Variants in UNC5D observed in about 807,000 individuals in gnomAD.
UNC5D encodes the protein netrin receptor UNC5D.
In UNC5D, 39 loss-of-function variants were observed where a neutral mutation model predicts 105.4. The observed-to-expected ratio is 0.37, with a 90% confidence interval of 0.29 to 0.48. The LOEUF (loss-of-function observed/expected upper bound fraction) is 0.48, where lower values mean the gene tolerates loss of function less well. Among genes scored for constraint, UNC5D ranks in the 20% least tolerant of loss-of-function variants. The pLI, the probability that UNC5D is intolerant of heterozygous loss-of-function variation, is 0.98. For synonymous variants in UNC5D, 452 were observed against 450.4 expected (o/e 1.00, Z -0.04); for missense variants, 991 against 1,202.4 (o/e 0.82, Z 2.60).
intron 1 of UNC5D, among the ~76,000 whole-genome samples, chr8:35,365,754 T>C (rs1195166308): frequency 6.6e-6 from 1 of 152,120 alleles, no homozygotes; most frequent in African/African-American, 2.4e-5. Context: ...AATAGAATCC[T>C]GGTATTAAAT....
At chr8:35,688,839 C>T (rs982800362) in intron 7 of UNC5D, among the ~76,000 whole-genome samples, 5 of 152,180 alleles carry the variant, frequency 3.3e-5, no homozygotes, top group Non-Finnish European at 7.3e-5. Context: ...GTCCATAGGA[C>T]GAGTTCATTT....
intron 1 of UNC5D, among the ~76,000 whole-genome samples, chr8:35,336,185 T>C (rs1811025026): frequency 6.6e-6 from 1 of 152,188 alleles, no homozygotes; most frequent in Non-Finnish European, 1.5e-5. Flanking sequence ...AGAGGTAATA[T>C]AAAGAAAATG....
Position 35,289,550 on chromosome 8 carries a change from A to T in UNC5D, c.103+53663A>T, listed in dbSNP as rs542706178. The stretch of plus-strand genomic sequence containing the variant: ...TCCATCCAACAATGGTAAAATACAC[A>T]TTCTCCTCAAATGCATATGGAACAC... On this transcript the variant is annotated intron_variant, in intron 1 of 16. Transcript: ENST00000404895. 7.2e-5 allele frequency among the ~76,000 whole-genome samples: 11 copies of T among 152,298 alleles called. 1 individual carries two copies. The South Asian group carries it at 2.3e-3, about 32-fold the overall frequency.
In UNC5D at chr8:35,259,837, G is replaced by A. The variant is rs779826355; in HGVS notation, c.103+23950G>A. 9.9e-5 allele frequency among the ~76,000 whole-genome samples: 15 copies of A among 152,024 alleles called. No individual in the cohort carries two copies. In the South Asian group the frequency reaches 1.0e-3, roughly 11 times the overall value. On this transcript the variant is annotated intron_variant, in intron 1 of 16. Transcript: ENST00000404895. ...TGTGGACGCTGGTAAAAAGGTGGAG[G>A]AAGTGGGGAGGGGTGAGAGGGCAGG...
chr8:35,414,828 A>G (rs1805426479), intron 1 of UNC5D, among the ~76,000 whole-genome samples: 1 of 152,116 alleles, frequency 6.6e-6, no homozygotes, highest in Non-Finnish European at 1.5e-5. Context: ...CCAAATCATA[A>G]TAAACTTAAT....
intron 1 of UNC5D, among the ~76,000 whole-genome samples, chr8:35,253,258 C>T (rs1213672489): frequency 1.3e-5 from 2 of 150,226 alleles, no homozygotes; most frequent in Admixed American, 1.3e-4. Flanking sequence ...TCAGGAGCTA[C>T]AATTTTTAAT....
At chr8:35,250,743 C>A (rs950290774) in intron 1 of UNC5D, among the ~76,000 whole-genome samples, 44 of 152,230 alleles carry the variant, frequency 2.9e-4, no homozygotes, top group African/African-American at 9.4e-4. Context: ...GCAATCCGCC[C>A]GCCTCGGCCT....
At chr8:35,470,316 T>C (rs185076440) in intron 1 of UNC5D, among the ~76,000 whole-genome samples, 48 of 152,134 alleles carry the variant, frequency 3.2e-4, no homozygotes, top group South Asian at 6.2e-4. Flanking sequence ...TCTTAGGTAA[T>C]TTATTCATTA....
At chr8:35,282,737 G>A (rs1316353596) in intron 1 of UNC5D, among the ~76,000 whole-genome samples, 1 of 140,624 alleles carries the variant, frequency 7.1e-6, no homozygotes, top group Non-Finnish European at 1.5e-5. Context: ...ACCCAAAGCA[G>A]CATATCCTTC....
intron 2 of UNC5D, among the ~76,000 whole-genome samples, chr8:35,559,013 AAG>A (rs776854057): frequency 1.3e-5 from 2 of 152,074 alleles, no homozygotes; most frequent in Non-Finnish European, 2.9e-5. Flanking sequence ...GTTGCTTTTC[AAG>A]AGAATTTGAT....
rs547632125 is a variant in UNC5D, at chr8:35,343,511, AG to A, written c.103+107625del. ...AGCTTATCTTTTTTATTGAGGTTTTAGTTTTTTTCTTGATGTTTTGTAAGAG... is the reference window on the plus strand; with the variant it reads ...AGCTTATCTTTTTTATTGAGGTTTTATTTTTTTCTTGATGTTTTGTAAGAG... On this transcript the variant is annotated intron_variant, in intron 1 of 16. Transcript: ENST00000404895. Among the ~76,000 whole-genome samples, 15 of 152,100 alleles carry A rather than the reference AG, an allele frequency of 9.9e-5. No individual in the cohort carries two copies. In the South Asian group the frequency reaches 3.1e-3, roughly 32 times the overall value.
intron 1 of UNC5D, among the ~76,000 whole-genome samples, chr8:35,457,987 A>AG (rs1432811412): frequency 6.6e-6 from 1 of 152,196 alleles, no homozygotes; most frequent in Non-Finnish European, 1.5e-5. Context: ...GTTGAGGTAA[A>AG]GCATGTAACA....
At chr8:35,789,591 G>A (rs1802935183) in intron 16 of UNC5D, among the ~76,000 whole-genome samples, 1 of 151,968 alleles carries the variant, frequency 6.6e-6, no homozygotes, top group Non-Finnish European at 1.5e-5. Flanking sequence ...TTGCGTTTGT[G>A]GAGCTAGAGG....
chr8:35,507,635 G>A (rs879582481), intron 1 of UNC5D, among the ~76,000 whole-genome samples: 2 of 151,970 alleles, frequency 1.3e-5, no homozygotes, highest in African/African-American at 4.8e-5. Flanking sequence ...GGAGGTAAAG[G>A]GGAGGTGGGG....
intron 16 of UNC5D, among the ~76,000 whole-genome samples, chr8:35,786,916 G>C (rs1802771977): frequency 6.6e-6 from 1 of 151,882 alleles, no homozygotes; most frequent in African/African-American, 2.4e-5. Flanking sequence ...ATTTTTAAAT[G>C]GTCTGAAAAA....
At chr8:35,519,808 A>G (rs184446500) in intron 1 of UNC5D, among the ~76,000 whole-genome samples, 1 of 152,198 alleles carries the variant, frequency 6.6e-6, no homozygotes, top group East Asian at 1.9e-4. Flanking sequence ...GCTAAGAAAC[A>G]TGGAAAAAAA....
chr8:35,402,421 C>A (rs1413550912), intron 1 of UNC5D, among the ~76,000 whole-genome samples: 1 of 151,930 alleles, frequency 6.6e-6, no homozygotes, highest in Non-Finnish European at 1.5e-5. Context: ...GACTTACCAC[C>A]ACCGGAACAG....
chr8:35,542,146 T>A (rs954135326), intron 1 of UNC5D, among the ~76,000 whole-genome samples: 2 of 152,180 alleles, frequency 1.3e-5, no homozygotes, highest in African/African-American at 4.8e-5. Context: ...AGTTTTCAAG[T>A]TAAAAATAAA....
intron 1 of UNC5D, among the ~76,000 whole-genome samples, chr8:35,530,998 CTCCTGGAT>C (rs1295678600): frequency 1.3e-5 from 2 of 150,946 alleles, no homozygotes; most frequent in South Asian, 2.1e-4. Flanking sequence ...AAAAAACCAG[CTCCTGGAT>C]TCATTGATTT....
Sources: gnomAD v4.1 joint callset for allele counts (sites outside exome capture counted in the v4.1 genomes callset) on GRCh38, gnomAD v4.1.1 for gene constraint, MANE v1.5 for transcripts, NCBI Gene and HGNC (gene_info 2026-07-23, HGNC 2026-07-21) for gene names.